The following USP49 variants were observed in gnomAD, a reference collection of about 807,000 sequenced individuals.
USP49 encodes the protein ubiquitin specific peptidase 49.
USP49 carries 24 observed loss-of-function variants against 58.6 expected under a neutral mutation model. The observed-to-expected ratio is 0.41, with a 90% CI of 0.30 to 0.58. The LOEUF (loss-of-function observed/expected upper bound fraction) is 0.58. Ranked by LOEUF, USP49 falls within the 20% of genes least tolerant of loss-of-function variation. The probability of loss-of-function intolerance (pLI) is 0.30; values close to 1 mark genes in which losing one functional copy is unlikely to be tolerated. For synonymous variants in USP49, 408 were observed against 365.1 expected, an observed-to-expected ratio of 1.12 and a Z score of -1.34; for missense variants, 703 against 866.1, an observed-to-expected ratio of 0.81 and a Z score of 2.36.
chr6:41,843,449 T>G (rs538921901), intron 3 of USP49, among the ~76,000 whole-genome samples: 2 of 152,282 alleles, frequency 1.3e-5, no homozygotes, highest in South Asian at 2.1e-4. Flanking sequence ...CCTCAATAAA[T>G]GAAGAGATGT....
chr6:41,849,764 C>T (rs536542880), intron 3 of USP49, among the ~76,000 whole-genome samples: 82 of 152,102 alleles, frequency 5.4e-4, no homozygotes, highest in African/African-American at 1.9e-3. Context: ...CGCGCCGCCA[C>T]GCCCAGCTAA....
chr6:41,831,074 T>A (rs770046662), intron 3 of USP49, among the ~76,000 whole-genome samples: 2 of 152,014 alleles, frequency 1.3e-5, no homozygotes, highest in African/African-American at 2.4e-5. Context: ...CTGGCTAACA[T>A]GGTGAAACCC....
intron 4 of USP49, among the ~76,000 whole-genome samples, chr6:41,804,872 C>T (rs1366218123): frequency 6.6e-6 from 1 of 152,210 alleles, no homozygotes. Flanking sequence ...CCTCAGCCTC[C>T]CAAGTAGCTG....
At position 41,796,958 on chromosome 6, in the gene USP49, T is replaced by G. The variant is rs570722479; in HGVS notation, c.1877-235A>C. On this transcript the variant is annotated intron_variant, in intron 7 of 7. Coordinates refer to ENST00000682992, the MANE Select transcript of USP49 (RefSeq NM_001286554.2). ...CGACTGACTGCAATTTTTTTTTTTT[T>G]TTTTTTTTTGAGACAGAGTCTCGCT... Among the ~76,000 whole-genome samples, 940 of 148,938 alleles carry G rather than the reference T, an allele frequency of 6.3e-3. 26 individuals are homozygous for G. Among genetic ancestry groups the G allele is most frequent in the East Asian group, 0.058 (293 of 5,080 alleles).
At chr6:41,888,307 G>A (rs376218715) in intron 2 of USP49, among the ~76,000 whole-genome samples, 8 of 150,792 alleles carry the variant, frequency 5.3e-5, no homozygotes, top group East Asian at 2.0e-4. Flanking sequence ...CACCTGCCTC[G>A]GCCTCCCAAA....
intron 3 of USP49, among the ~76,000 whole-genome samples, chr6:41,836,222 C>A (rs1208423162): frequency 6.6e-6 from 1 of 152,048 alleles, no homozygotes; most frequent in African/African-American, 2.4e-5. Flanking sequence ...TACCCAAAGG[C>A]TCTGAAATAG....
intron 2 of USP49, among the ~76,000 whole-genome samples, chr6:41,888,359 A>C (rs1488087908): frequency 6.6e-6 from 1 of 151,842 alleles, no homozygotes; most frequent in Non-Finnish European, 1.5e-5. Flanking sequence ...CCTGGCCTAC[A>C]ATCAGCTTTA....
rs374477200 is a variant in USP49 at position 41,821,782 on chromosome 6, A to G, written c.-28-14771T>C. On this transcript the variant is annotated intron_variant, in intron 3 of 7. Transcript: ENST00000682992. ...ATTCTGCTCCTTCCTCATGGACTCCAATTATCCAGACGGAAAGCAGCTCAT... is the reference window on the plus strand; with the variant it reads ...ATTCTGCTCCTTCCTCATGGACTCCGATTATCCAGACGGAAAGCAGCTCAT... Among the ~76,000 whole-genome samples the G allele has an allele frequency of 2.0e-4, 31 of 152,184 alleles. No individual in the cohort carries two copies. In the East Asian group the frequency reaches 4.0e-3, roughly 20 times the overall value.
At chr6:41,816,851 C>T (rs965747108) in intron 3 of USP49, among the ~76,000 whole-genome samples, 17 of 151,282 alleles carry the variant, frequency 1.1e-4, no homozygotes, top group South Asian at 4.2e-4. Flanking sequence ...AGCACAGGCG[C>T]GCACCACCAT....
intron 5 of USP49, 84 bp from the exon 6 acceptor site, chr6:41,800,022 T>G (rs1772969358): frequency 8.3e-7 from 1 of 1,206,274 alleles, no homozygotes; most frequent in African/African-American, 1.5e-5. Context: ...CCATTCAATA[T>G]GCATTCTCCA....
intron 3 of USP49, among the ~76,000 whole-genome samples, chr6:41,849,058 T>C (rs181613052): frequency 6.6e-6 from 1 of 152,144 alleles, no homozygotes; most frequent in African/African-American, 2.4e-5. Flanking sequence ...GATCCAACTA[T>C]ATGCTGTCTA....
chr6:41,816,946 T>C lies in USP49; in HGVS notation c.-28-9935A>G, dbSNP rs1582000065. On this transcript the variant is annotated intron_variant, in intron 3 of 7. Transcript: ENST00000682992. ...ATCTCAAATTCCTGAACTGAAGTGA[T>C]CTGCCCACCTTGCCCTCCCAAAGTG... Among the ~76,000 whole-genome samples the C allele has an allele frequency of 9.2e-5, 14 of 151,836 alleles. No individual in the cohort carries two copies. The South Asian group carries it at 2.9e-3, about 32-fold the overall frequency.
chr6:41,885,572 G>A (rs935711322), intron 2 of USP49, among the ~76,000 whole-genome samples: 18 of 152,206 alleles, frequency 1.2e-4, no homozygotes, highest in Non-Finnish European at 2.9e-5. Flanking sequence ...TCCCGCTCAA[G>A]TGGATCACTT....
At chr6:41,816,073 C>A (rs1004903802) in intron 3 of USP49, among the ~76,000 whole-genome samples, 2 of 152,176 alleles carry the variant, frequency 1.3e-5, no homozygotes, top group African/African-American at 4.8e-5. Flanking sequence ...TTGTTCCATA[C>A]CCTCCGTACC....
intron 3 of USP49, among the ~76,000 whole-genome samples, chr6:41,844,659 A>G (rs1259498883): frequency 6.6e-6 from 1 of 152,194 alleles, no homozygotes; most frequent in Non-Finnish European, 1.5e-5. Context: ...GTTATCCATC[A>G]TGGTATTCCA....
rs1773050834 is a variant in USP49, at chr6:41,803,216, G to A, written c.1561+590C>T. Reference sequence around the variant, plus strand: ...TAACATTCTCAGAGTCCCCATTTCAGGAGCCACAACTTTAAAATCCCTTCC... The same window carrying A: ...TAACATTCTCAGAGTCCCCATTTCAAGAGCCACAACTTTAAAATCCCTTCC... On this transcript the variant is annotated intron_variant, in intron 5 of 7. Transcript: ENST00000682992. The surrounding 1 kb of genome is among the most constrained non-coding windows in gnomAD (Gnocchi z 4.1). Among the ~76,000 whole-genome samples the A allele has an allele frequency of 6.6e-6, 1 of 152,188 alleles. No homozygotes were observed. The highest frequency in any genetic ancestry group is 1.5e-5 in the Non-Finnish European group (1 of 68,032).
chr6:41,822,717 C>T (rs6458244), intron 3 of USP49, among the ~76,000 whole-genome samples: 79,671 of 151,706 alleles, frequency 0.53, 21,044 homozygotes, highest in Admixed American at 0.62. Context: ...TAGTGGCGCG[C>T]GCCTGTCGTC....
At chr6:41,831,504 C>T (rs1773634119) in intron 3 of USP49, among the ~76,000 whole-genome samples, 1 of 150,946 alleles carries the variant, frequency 6.6e-6, no homozygotes, top group South Asian at 2.1e-4. Context: ...TGCTTGAACC[C>T]AGGAGGCAGA....
intron 3 of USP49, among the ~76,000 whole-genome samples, chr6:41,839,119 GAA>G (rs1395128023): frequency 6.6e-6 from 1 of 152,084 alleles, no homozygotes; most frequent in African/African-American, 2.4e-5. Flanking sequence ...CAAAAAGTCT[GAA>G]AGAGTCCTGG....
Sources: allele counts gnomAD v4.1 joint callset (sites outside exome capture counted in the v4.1 genomes callset), GRCh38; gene constraint gnomAD v4.1.1; non-coding constraint Gnocchi (gnomAD v3.1); transcripts MANE v1.5; gene names NCBI Gene and HGNC (gene_info 2026-07-23, HGNC 2026-07-21).